Variants in AK4 observed in about 807,000 individuals in gnomAD.
AK4 encodes the protein adenylate kinase 4, mitochondrial.
In AK4, 13 loss-of-function variants were observed where a neutral mutation model predicts 24.6. The observed-to-expected ratio is 0.53, with a 90% confidence interval of 0.34 to 0.84. The LOEUF is 0.84. Among genes scored for constraint, AK4 ranks in the 40% least tolerant of loss-of-function variants. The pLI, the probability that AK4 is intolerant of heterozygous loss-of-function variation, is 0.01. For synonymous variants in AK4, 88 were observed against 107.0 expected (o/e 0.82, Z 1.10); for missense variants, 192 against 288.2 (o/e 0.67, Z 2.42).
At chr1:65,187,532 C>A (rs4915683) in intron 1 of AK4, among the ~76,000 whole-genome samples, 51,592 of 151,688 alleles carry the variant, frequency 0.34, 9,890 homozygotes, top group African/African-American at 0.52. Context: ...AACATTGAGA[C>A]TATACTGAAA....
chr1:65,151,377 G>A (rs1320547867), intron 1 of AK4, among the ~76,000 whole-genome samples: 5 of 152,136 alleles, frequency 3.3e-5, no homozygotes, highest in African/African-American at 4.8e-5. Flanking sequence ...GCTGCTGTGC[G>A]TCAATGTTCT....
At chr1:65,154,042 T>A (rs1176864693) in intron 1 of AK4, among the ~76,000 whole-genome samples, 1 of 152,142 alleles carries the variant, frequency 6.6e-6, no homozygotes, top group Non-Finnish European at 1.5e-5. Context: ...AAGGAAGGGT[T>A]TTCCATAGGA....
chr1:65,151,359 G>A (rs999674945), intron 1 of AK4, among the ~76,000 whole-genome samples: 2 of 152,158 alleles, frequency 1.3e-5, no homozygotes, highest in Non-Finnish European at 2.9e-5. Flanking sequence ...TAAGATATCT[G>A]CTGAGTGGCT....
chr1:65,200,553 T>C (rs1427746478), intron 2 of AK4, among the ~76,000 whole-genome samples: 1 of 152,248 alleles, frequency 6.6e-6, no homozygotes, highest in Non-Finnish European at 1.5e-5. Context: ...TCTTACACAC[T>C]TTATCCAAAG....
rs559343445 is a variant in AK4, at chr1:65,226,510, C to A, written c.*333C>A. ...GCTGTTGCTGTGGTAATATTTTTGA[C>A]ATGTGATGGTGATAGTCTCTGGTTC... is the stretch of plus-strand genomic sequence containing the variant. On this transcript the variant is annotated 3_prime_UTR_variant, in exon 5 of 5. Transcript: ENST00000327299. 1.4e-5 allele frequency: 3 copies of A among 208,258 alleles called. No homozygotes were observed. The East Asian group carries it at 3.5e-4, about 24-fold the overall frequency. The allele number at this position is 208,258 out of a possible 1,614,324, so 12.9% of individuals were successfully genotyped here. A position where few individuals can be genotyped will look rare whatever the true frequency, so the allele number is the denominator to read the frequency against.
chr1:65,189,248 A>G (rs1651209310), intron 1 of AK4, among the ~76,000 whole-genome samples: 1 of 149,328 alleles, frequency 6.7e-6, no homozygotes, highest in African/African-American at 2.5e-5. Context: ...TGTGTTTTTT[A>G]AAAAACTGAA....
chr1:65,170,945 GTCT>G (rs1453096061), intron 1 of AK4, among the ~76,000 whole-genome samples: 1 of 142,718 alleles, frequency 7.0e-6, no homozygotes, highest in Non-Finnish European at 1.5e-5. Flanking sequence ...GGTTTGTCTT[GTCT>G]TCTTCCTTTT....
chr1:65,187,739 T>G (rs934578676), intron 1 of AK4, among the ~76,000 whole-genome samples: 29 of 152,216 alleles, frequency 1.9e-4, no homozygotes, highest in Non-Finnish European at 3.1e-4. Context: ...TGGTGGTGGT[T>G]GTTGCTCTTG....
chr1:65,148,664 C>G, intron 1 of AK4, 112 bp downstream of exon 1: 1 of 1,390,212 alleles, frequency 7.2e-7, no homozygotes, highest in Admixed American at 3.1e-5. Flanking sequence ...CGCGTGTGGT[C>G]GTGCAGGCTC....
intron 2 of AK4, among the ~76,000 whole-genome samples, chr1:65,201,141 CTTTAA>C (rs1420729503): frequency 6.6e-6 from 1 of 152,176 alleles, no homozygotes; most frequent in East Asian, 1.9e-4. Context: ...TCTTTAATTT[CTTTAA>C]TTTAAATCAA....
intron 2 of AK4, among the ~76,000 whole-genome samples, 153 bp downstream of exon 2, chr1:65,190,982 A>T (rs1318558380): frequency 6.6e-6 from 1 of 152,216 alleles, no homozygotes; most frequent in Non-Finnish European, 1.5e-5. Flanking sequence ...ATAGGAACCC[A>T]TTGTGGTGAA....
intron 1 of AK4, among the ~76,000 whole-genome samples, chr1:65,151,288 T>G (rs1343527778): frequency 2.0e-5 from 3 of 152,146 alleles, no homozygotes; most frequent in African/African-American, 7.2e-5. Context: ...GCACATGTCT[T>G]ATTGATTCTA....
At chr1:65,224,914 A>C in intron 4 of AK4, 44 bp downstream of exon 4, 2 of 1,499,242 alleles carry the variant, frequency 1.3e-6, no homozygotes, top group Non-Finnish European at 1.9e-6. Flanking sequence ...CAGACTGGAA[A>C]GGTGTGGAGC....
At chr1:65,172,806 C>CTCT (rs140026111) in intron 1 of AK4, among the ~76,000 whole-genome samples, 2 of 149,142 alleles carry the variant, frequency 1.3e-5, no homozygotes, top group Admixed American at 1.3e-4. Flanking sequence ...ATGCTTTCTT[C>CTCT]TCTTCTTCTT....
chr1:65,158,541 C>T (rs865923239), intron 1 of AK4, among the ~76,000 whole-genome samples: 4 of 152,296 alleles, frequency 2.6e-5, no homozygotes, highest in Middle Eastern at 3.4e-3. Flanking sequence ...CAGTCTGTTG[C>T]CCAGGCCGAA....
intron 4 of AK4, among the ~76,000 whole-genome samples, chr1:65,225,376 G>A (rs1652421603): frequency 6.6e-6 from 1 of 152,200 alleles, no homozygotes; most frequent in South Asian, 2.1e-4. Context: ...TGGGGGATGT[G>A]TCAAGCTAGA....
intron 1 of AK4, among the ~76,000 whole-genome samples, chr1:65,163,670 G>T (rs906722348): frequency 5.9e-5 from 9 of 152,178 alleles, no homozygotes; most frequent in African/African-American, 1.9e-4. Context: ...TAGACAGAGC[G>T]GATTTATCAA....
At chr1:65,172,679 G>T (rs78199680) in intron 1 of AK4, among the ~76,000 whole-genome samples, 59 of 152,146 alleles carry the variant, frequency 3.9e-4, no homozygotes, top group African/African-American at 1.2e-3. Flanking sequence ...GGAATAGATT[G>T]TCCTACCCAG....
At chr1:65,199,372 A>G (rs1651591721) in intron 2 of AK4, among the ~76,000 whole-genome samples, 1 of 152,044 alleles carries the variant, frequency 6.6e-6, no homozygotes, top group South Asian at 2.1e-4. Flanking sequence ...ACATGGTGAA[A>G]CCCCATCTTT....
Sources: allele counts gnomAD v4.1 joint callset (sites outside exome capture counted in the v4.1 genomes callset), GRCh38; gene constraint gnomAD v4.1.1; transcripts MANE v1.5; gene names NCBI Gene and HGNC (gene_info 2026-07-23, HGNC 2026-07-21).